The following ZNF804B variants were observed in gnomAD, a reference collection of about 807,000 sequenced individuals.
ZNF804B encodes zinc finger 804B.
In ZNF804B, 80 loss-of-function variants were observed where a neutral mutation model predicts 101.4. The ratio of observed to expected loss-of-function variants is 0.79; its 90% CI spans 0.66 to 0.95. The LOEUF is 0.95. ZNF804B is among the 40% of genes least tolerant of loss of function. The pLI, the probability that ZNF804B is intolerant of heterozygous loss-of-function variation, is 0.00. For synonymous variants in ZNF804B, 622 were observed against 558.8 expected (o/e 1.11, Z -1.59); for missense variants, 1,673 against 1,561.9 (o/e 1.07, Z -1.20).
intron 2 of ZNF804B, among the ~76,000 whole-genome samples, chr7:89,279,667 T>TA (rs1469111705): frequency 1.3e-5 from 2 of 152,216 alleles, no homozygotes; most frequent in Non-Finnish European, 2.9e-5. Flanking sequence ...TTGATTTTCA[T>TA]ATGTTGAACC....
intron 1 of ZNF804B, among the ~76,000 whole-genome samples, chr7:89,146,358 T>G (rs947384426): frequency 1.4e-4 from 21 of 152,008 alleles, no homozygotes; most frequent in Non-Finnish European, 2.6e-4. Context: ...CTATAGAAAT[T>G]GACAATCAGG....
intron 1 of ZNF804B, among the ~76,000 whole-genome samples, chr7:88,954,083 T>C (rs1167354475): frequency 6.6e-6 from 1 of 151,812 alleles, no homozygotes; most frequent in Non-Finnish European, 1.5e-5. Context: ...TTTGAAAGTT[T>C]GACTGATTAA....
At chr7:89,006,328 G>A (rs1788368518) in intron 1 of ZNF804B, among the ~76,000 whole-genome samples, 1 of 151,600 alleles carries the variant, frequency 6.6e-6, no homozygotes, top group African/African-American at 2.4e-5. Context: ...TAACAATATC[G>A]TGCCTCTTAT....
intron 1 of ZNF804B, among the ~76,000 whole-genome samples, chr7:89,067,658 A>G (rs1047693165): frequency 2.0e-5 from 3 of 152,080 alleles, no homozygotes; most frequent in Non-Finnish European, 4.4e-5. Context: ...TATTAGCTGC[A>G]TGTGTATTTT....
chr7:89,256,893 G>A (rs1166002535), intron 2 of ZNF804B, among the ~76,000 whole-genome samples: 4 of 152,100 alleles, frequency 2.6e-5, no homozygotes, highest in African/African-American at 9.7e-5. Context: ...ACATCTGGTG[G>A]CGATTATTCA....
rs1459216492 is a variant in ZNF804B, at chr7:89,145,234, TA to T, written c.109-72915del. 2.6e-5 allele frequency among the ~76,000 whole-genome samples: 4 copies of T among 152,122 alleles called. No individual in the cohort carries two copies. The South Asian group carries it at 6.2e-4, about 24-fold the overall frequency. On this transcript the variant is annotated intron_variant, in intron 1 of 3. Transcript: ENST00000333190. ...ACACTTAATTATATATTTAATAGTT[TA>T]AAAAATATTGCCAATTAACTGACAA...
intron 2 of ZNF804B, among the ~76,000 whole-genome samples, chr7:89,254,765 C>G (rs1356397070): frequency 6.6e-6 from 1 of 151,854 alleles, no homozygotes; most frequent in African/African-American, 2.4e-5. Context: ...CCTGCCTCAG[C>G]GTCCCCAGTA....
At chr7:89,177,879 G>A (rs1400805192) in intron 1 of ZNF804B, among the ~76,000 whole-genome samples, 1 of 151,688 alleles carries the variant, frequency 6.6e-6, no homozygotes, top group Non-Finnish European at 1.5e-5. Context: ...AGCTTACAGT[G>A]AGCCGACACA....
chr7:89,309,542 A>G (rs1447661607), intron 2 of ZNF804B, among the ~76,000 whole-genome samples: 2 of 152,016 alleles, frequency 1.3e-5, no homozygotes, highest in Non-Finnish European at 2.9e-5. Flanking sequence ...CAGGCAGATC[A>G]CAATGTCAGG....
intron 1 of ZNF804B, among the ~76,000 whole-genome samples, chr7:89,037,411 G>T (rs1788944015): frequency 6.6e-6 from 1 of 151,772 alleles, no homozygotes; most frequent in Admixed American, 6.6e-5. Flanking sequence ...TTTAACACAT[G>T]TACCAATTAT....
At chr7:88,818,264 A>T (rs922611434) in intron 1 of ZNF804B, among the ~76,000 whole-genome samples, 1 of 152,224 alleles carries the variant, frequency 6.6e-6, no homozygotes, top group African/African-American at 2.4e-5. Context: ...ACTTGAAAAA[A>T]TATCTGTAGG....
At chr7:88,835,601 A>C (rs1313738391) in intron 1 of ZNF804B, among the ~76,000 whole-genome samples, 2 of 151,950 alleles carry the variant, frequency 1.3e-5, no homozygotes, top group Non-Finnish European at 2.9e-5. Context: ...AGTTCAAAAT[A>C]TAATTTAAAG....
intron 1 of ZNF804B, among the ~76,000 whole-genome samples, chr7:89,063,324 T>A (rs1789405196): frequency 6.6e-6 from 1 of 152,188 alleles, no homozygotes; most frequent in African/African-American, 2.4e-5. Context: ...CTTATGAGAA[T>A]AAATTCTTTA....
chr7:88,830,736 C>T (rs1023053915), intron 1 of ZNF804B, among the ~76,000 whole-genome samples: 5 of 151,510 alleles, frequency 3.3e-5, no homozygotes, highest in African/African-American at 1.2e-4. Context: ...TATGTATGCC[C>T]CTTTTGTGTG....
intron 1 of ZNF804B, among the ~76,000 whole-genome samples, chr7:88,847,777 GCTTC>G (rs1268017895): frequency 4.6e-5 from 7 of 152,154 alleles, no homozygotes; most frequent in African/African-American, 1.4e-4. Flanking sequence ...ACCTGGCTAT[GCTTC>G]CTTAAGTAGT....
At chr7:89,171,288 G>GCTGCTGCTGCTGCTTCTGCTT (rs1215246589) in intron 1 of ZNF804B, among the ~76,000 whole-genome samples, 5 of 82,550 alleles carry the variant, frequency 6.1e-5, no homozygotes, top group Non-Finnish European at 1.0e-4. Context: ...TGCTGCTGCT[G>GCTGCTGCTGCTGCTTCTGCTT]CTTCTTCTTC....
chr7:89,212,189 T>C (rs1788815221), intron 1 of ZNF804B, among the ~76,000 whole-genome samples: 1 of 152,010 alleles, frequency 6.6e-6, no homozygotes, highest in Non-Finnish European at 1.5e-5. Context: ...ATTTGCTTTG[T>C]AGACTCAGGG....
intron 3 of ZNF804B, among the ~76,000 whole-genome samples, chr7:89,330,414 T>C (rs1203805565): frequency 6.6e-6 from 1 of 151,678 alleles, no homozygotes; most frequent in African/African-American, 2.4e-5. Flanking sequence ...GTATGATAGA[T>C]GCACAAATTA....
chr7:89,043,191 C>T (rs562519070), intron 1 of ZNF804B, among the ~76,000 whole-genome samples: 13 of 152,168 alleles, frequency 8.5e-5, no homozygotes, highest in South Asian at 2.1e-4. Flanking sequence ...TGATTAATGC[C>T]GGTGTCCTTT....
Sources: gnomAD v4.1 joint callset for allele counts (sites outside exome capture counted in the v4.1 genomes callset) on GRCh38, gnomAD v4.1.1 for gene constraint, MANE v1.5 for transcripts, NCBI Gene and HGNC (gene_info 2026-07-23, HGNC 2026-07-21) for gene names.